Variants in SLC14A1 observed in about 807,000 individuals in gnomAD.
SLC14A1 encodes urea transporter 1.
Under a neutral mutation model 39.6 loss-of-function variants are expected in SLC14A1, and 36 were observed. The ratio of observed to expected loss-of-function variants is 0.91; its 90% CI spans 0.70 to 1.20. The LOEUF (loss-of-function observed/expected upper bound fraction) is 1.20, where lower values mean the gene tolerates loss of function less well. SLC14A1 is among the 50% of genes most tolerant of loss of function. SLC14A1 has a pLI of 0.00. For missense variants in SLC14A1, 469 were observed against 478.7 expected (o/e 0.98, Z 0.19); for synonymous variants, 164 against 173.6 (o/e 0.94, Z 0.43).
chr18:45,727,316 T>C (rs1178595926), intron 2 of SLC14A1: 2 of 1,551,532 alleles, frequency 1.3e-6, no homozygotes, highest in Non-Finnish European at 1.7e-6. Context: ...ACGCCCGTCA[T>C]GGTCCTGTTT....
intron 4 of SLC14A1, chr18:45,734,024 A>C: frequency 2.3e-6 from 1 of 444,014 alleles, no homozygotes; most frequent in East Asian, 4.8e-5. Context: ...TCTTCCATGA[A>C]ACCTGTCCCT....
At chr18:45,740,520 C>CA (rs10714760) in intron 8 of SLC14A1, among the ~76,000 whole-genome samples, 2,650 of 132,474 alleles carry the variant, frequency 0.02, 89 homozygotes, top group African/African-American at 0.07. Flanking sequence ...GACTTCATCT[C>CA]AAAAAAAAAA....
intron 4 of SLC14A1, among the ~76,000 whole-genome samples, chr18:45,732,553 T>G (rs968053315): frequency 1.3e-5 from 2 of 152,234 alleles, no homozygotes; most frequent in African/African-American, 4.8e-5. Context: ...TTAATGTACG[T>G]GACATCATCT....
chr18:45,747,746 T>G (rs1274811743), intron 8 of SLC14A1, among the ~76,000 whole-genome samples: 1 of 152,054 alleles, frequency 6.6e-6, no homozygotes, highest in Non-Finnish European at 1.5e-5. Flanking sequence ...ATTTTAATGG[T>G]ATTGGAGAAG....
At chr18:45,742,333 T>C (rs956019672) in intron 8 of SLC14A1, among the ~76,000 whole-genome samples, 7 of 148,818 alleles carry the variant, frequency 4.7e-5, no homozygotes, top group South Asian at 2.1e-4. Flanking sequence ...TCTGGGTTTT[T>C]TGTTGTTTTT....
At chr18:45,736,361 T>A in intron 5 of SLC14A1, 95 bp from the exon 6 acceptor site, 1 of 1,211,732 alleles carries the variant, frequency 8.3e-7, no homozygotes, top group Non-Finnish European at 1.2e-6. Flanking sequence ...AAGGGGCCTG[T>A]TGGCAGGTGA....
intron 7 of SLC14A1, 102 bp from the exon 8 acceptor site, chr18:45,739,426 G>C (rs936696077): frequency 3.7e-6 from 6 of 1,603,932 alleles, no homozygotes; most frequent in South Asian, 1.1e-5. Context: ...GGACCAATGG[G>C]AGTTCCCGGG....
At chr18:45,727,432 G>A (rs1435062764) in intron 2 of SLC14A1, 1 of 1,534,148 alleles carries the variant, frequency 6.5e-7, no homozygotes, top group Admixed American at 2.0e-5. Flanking sequence ...TGCTTCCTTC[G>A]TGCAGCCTCT....
chr18:45,735,276 A>G (rs1324322100), intron 5 of SLC14A1, among the ~76,000 whole-genome samples: 1 of 152,166 alleles, frequency 6.6e-6, no homozygotes, highest in Non-Finnish European at 1.5e-5. Flanking sequence ...AGGGTTTGTT[A>G]CACCACAGGC....
At position 45,751,597 on chromosome 18, in the gene SLC14A1, G is replaced by A. The variant is rs1440038324; in HGVS notation, c.*1646G>A. 1.3e-6 allele frequency: 1 copy of A among 748,746 alleles called. No individual in the cohort carries two copies. The highest frequency in any genetic ancestry group is 1.6e-6 in the Non-Finnish European group (1 of 614,794). 46.4% of individuals were successfully genotyped at this position (748,746 alleles called of 1,614,324 possible). A position where few individuals can be genotyped will look rare whatever the true frequency, so the allele number is the denominator to read the frequency against. On this transcript the variant is annotated 3_prime_UTR_variant, in exon 10 of 10. Transcript: ENST00000321925. ...GTTCAAGACCAGCTTGGGCAACATA[G>A]CAAGACTCCATCTCTTAAAAAATAA...
In SLC14A1 at chr18:45,751,702, C is replaced by A; in HGVS notation, c.*1751C>A. On this transcript the variant is annotated 3_prime_UTR_variant, in exon 10 of 10. Transcript: ENST00000321925. ...GGCTGAGGTGGAAAGATCGCTTGTG[C>A]ACAGAAGTTCGAGGCTGCAGTGAGC... is the stretch of plus-strand genomic sequence containing the variant. 2.2e-6 allele frequency: 1 copy of A among 445,668 alleles called. No individual in the cohort carries two copies. Among genetic ancestry groups the A allele is most frequent in the Non-Finnish European group, 3.0e-6 (1 of 337,472 alleles). The allele number at this position is 445,668 out of a possible 1,614,324, so 27.6% of individuals were successfully genotyped here. A position where few individuals can be genotyped will look rare whatever the true frequency, so the allele number is the denominator to read the frequency against.
chr18:45,730,230 C>A, intron 2 of SLC14A1, 70 bp from the exon 3 acceptor site: 2 of 1,500,578 alleles, frequency 1.3e-6, no homozygotes, highest in Non-Finnish European at 1.8e-6. Context: ...CTACTGTAAC[C>A]AGGCCCAAAG....
chr18:45,744,546 T>G (rs2047487331), intron 8 of SLC14A1, among the ~76,000 whole-genome samples: 1 of 152,184 alleles, frequency 6.6e-6, no homozygotes. Flanking sequence ...CTTGTTAAAA[T>G]TGATTTTATT....
chr18:45,725,681 C>A (rs16978468), intron 2 of SLC14A1, among the ~76,000 whole-genome samples: 4,215 of 152,222 alleles, frequency 0.028, 188 homozygotes, highest in African/African-American at 0.095. Context: ...ATGTGCCTGG[C>A]CCAAGACTGA....
intron 8 of SLC14A1, 64 bp from the exon 9 acceptor site, chr18:45,748,312 C>T: frequency 1.3e-6 from 2 of 1,536,900 alleles, no homozygotes; most frequent in South Asian, 2.2e-5. Flanking sequence ...TGGAAGGCAG[C>T]CTTTCCTGTG....
chr18:45,736,559 G>A lies in SLC14A1; in HGVS notation c.574G>A (p.Gly192Arg). 1.9e-6 allele frequency: 3 copies of A among 1,614,150 alleles called. No homozygotes were observed. Among genetic ancestry groups the A allele is most frequent in the Non-Finnish European group, 2.5e-6 (3 of 1,179,996 alleles). The part of the protein sequence containing the change: ...MALSMYLSAT[G>R]HYNPFFPAKL... ...GTTGTCAATGTACCTTTCAGCCACA[G>A]GACATTACAATCCATTCTTTCCAGC... Residue 192 changes from glycine (G) to arginine (R), a missense_variant, in exon 6 of 10, where the codon GGA becomes AGA. Transcript: ENST00000321925.
chr18:45,749,676 G>C (rs2047655149), intron 9 of SLC14A1, 102 bp from the exon 10 acceptor site: 1 of 1,354,444 alleles, frequency 7.4e-7, no homozygotes, highest in Admixed American at 1.7e-5. Flanking sequence ...GCCCCCAGTG[G>C]TTCATCCCCC....
chr18:45,731,693 A>C, intron 4 of SLC14A1: 1 of 218,812 alleles, frequency 4.6e-6, no homozygotes, highest in Non-Finnish European at 9.2e-6. Context: ...AATTGAGTGG[A>C]TTCTGACTTA....
At chr18:45,725,527 C>T (rs1355802849) in intron 2 of SLC14A1, among the ~76,000 whole-genome samples, 1 of 152,156 alleles carries the variant, frequency 6.6e-6, no homozygotes, top group Non-Finnish European at 1.5e-5. Context: ...TGTTCAACCC[C>T]CACCCCAAGA....
Sources: gnomAD v4.1 joint callset for allele counts (sites outside exome capture counted in the v4.1 genomes callset) on GRCh38, gnomAD v4.1.1 for gene constraint, MANE v1.5 for transcripts, NCBI Gene and HGNC (gene_info 2026-07-23, HGNC 2026-07-21) for gene names.